The following SORL1 variants were observed in gnomAD, a reference collection of about 807,000 sequenced individuals.
SORL1 encodes sortilin-related receptor.
Under a neutral mutation model 273.7 loss-of-function variants are expected in SORL1, and 127 were observed. That is an observed-to-expected ratio of 0.46 (90% confidence interval 0.40 to 0.54). SORL1 has a LOEUF of 0.54. SORL1 is among the 20% of genes least tolerant of loss of function. The pLI, the probability that SORL1 is intolerant of heterozygous loss-of-function variation, is 0.00. For missense variants in SORL1, 2,494 were observed against 2,846.1 expected, an observed-to-expected ratio of 0.88 and a Z score of 2.81; for synonymous variants, 1,031 against 1,067.4, an observed-to-expected ratio of 0.97 and a Z score of 0.66.
intron 3 of SORL1, 29 bp downstream of exon 3, chr11:121,478,272 G>T: frequency 1.2e-6 from 2 of 1,604,316 alleles, no homozygotes; most frequent in Non-Finnish European, 1.7e-6. Context: ...CTCCTGTCCC[G>T]ACTTCATGGG....
At chr11:121,549,540 T>A (rs949597285) in intron 14 of SORL1, among the ~76,000 whole-genome samples, 1 of 152,202 alleles carries the variant, frequency 6.6e-6, no homozygotes, top group Non-Finnish European at 1.5e-5. Context: ...AATAATTTTT[T>A]AAAAAGGTTA....
At position 121,614,774 on chromosome 11, in the gene SORL1, G is replaced by C. The variant is rs190111395; in HGVS notation, c.5420-97G>C. 177 of 938,122 alleles carry C rather than the reference G, an allele frequency of 1.9e-4. 1 individual carries two copies. In the East Asian group the frequency reaches 3.0e-3, roughly 16 times the overall value. 58.1% of individuals were successfully genotyped at this position (938,122 alleles called of 1,614,324 possible). A position where few individuals can be genotyped will look rare whatever the true frequency, so the allele number is the denominator to read the frequency against. ...CACATGGGACTCATTTAAGTCAAGA[G>C]ATTACTATTTTTTTTTAAAAAAGTG... On this transcript the variant is annotated intron_variant, in intron 40 of 47. Coordinates refer to ENST00000260197, the MANE Select transcript of SORL1 (RefSeq NM_003105.6).
intron 2 of SORL1, among the ~76,000 whole-genome samples, chr11:121,470,362 T>C (rs1861149376): frequency 6.6e-6 from 1 of 152,212 alleles, no homozygotes; most frequent in Non-Finnish European, 1.5e-5. Context: ...AGTAATAGCA[T>C]ATGGACTGGA....
chr11:121,490,018 G>A, intron 4 of SORL1, 25 bp from the exon 5 acceptor site: 1 of 1,591,530 alleles, frequency 6.3e-7, no homozygotes, highest in Non-Finnish European at 8.6e-7. Context: ...CATGCCTCTT[G>A]CATCATGACC....
At chr11:121,505,940 T>A (rs1861780041) in intron 6 of SORL1, among the ~76,000 whole-genome samples, 1 of 152,222 alleles carries the variant, frequency 6.6e-6, no homozygotes, top group Non-Finnish European at 1.5e-5. Flanking sequence ...TTGGGTATTA[T>A]GTTCTATAAG....
At chr11:121,588,293 C>T (rs1243624409) in intron 28 of SORL1, 142 bp downstream of exon 28, 2 of 818,334 alleles carry the variant, frequency 2.4e-6, no homozygotes, top group Non-Finnish European at 3.9e-6. Flanking sequence ...TGGAGTTGCA[C>T]CTCTATTTAG....
intron 21 of SORL1, among the ~76,000 whole-genome samples, chr11:121,561,368 C>A (rs1862670879): frequency 6.6e-6 from 1 of 152,200 alleles, no homozygotes; most frequent in Non-Finnish European, 1.5e-5. Flanking sequence ...GGTCTCAGCA[C>A]ATGCAAACGT....
chr11:121,553,438 C>G (rs1862534087), intron 16 of SORL1, among the ~76,000 whole-genome samples: 1 of 152,134 alleles, frequency 6.6e-6, no homozygotes, highest in South Asian at 2.1e-4. Context: ...CTAAGAGGTT[C>G]ATAGAATTGC....
intron 26 of SORL1, 98 bp from the exon 27 acceptor site, chr11:121,586,124 C>T: frequency 1.1e-6 from 1 of 910,896 alleles, no homozygotes; most frequent in Non-Finnish European, 1.8e-6. Context: ...ATTGCCCTCC[C>T]CAGTGGTGGT....
chr11:121,590,274 G>T, intron 30 of SORL1, 100 bp downstream of exon 30: 1 of 1,294,556 alleles, frequency 7.7e-7, no homozygotes. Context: ...CGTGTTTTGG[G>T]GGGCATATTT....
chr11:121,545,339 G>A lies in SORL1; in HGVS notation c.1961G>A (p.Arg654Gln), dbSNP rs563618321. 8 of 1,614,160 alleles carry A rather than the reference G, an allele frequency of 5.0e-6. No individual in the cohort carries two copies. The highest frequency in any genetic ancestry group is 2.2e-5 in the South Asian group (2 of 91,080). Residue 654 changes from arginine to glutamine, a missense_variant, in exon 14 of 48, where the codon CGG becomes CAG. Around this residue, in one of 3 missense-constraint regions of SORL1, gnomAD observed 710 missense variants for 882.5 expected, o/e 0.80. Transcript: ENST00000260197. ...GGACACAAGACTGTTTTCAAACGGC[G>A]GACCCCCCATGCCACATGCTTCAAT... ...LLGHKTVFKR[R>Q]TPHATCFNGE...
intron 25 of SORL1, among the ~76,000 whole-genome samples, chr11:121,579,298 A>T (rs528149552): frequency 1.3e-5 from 2 of 152,152 alleles, no homozygotes; most frequent in Non-Finnish European, 2.9e-5. Flanking sequence ...AAATAGTTGG[A>T]GGTCAGATGT....
intron 1 of SORL1, among the ~76,000 whole-genome samples, chr11:121,468,402 T>C (rs1056950821): frequency 6.6e-6 from 1 of 152,184 alleles, no homozygotes; most frequent in African/African-American, 2.4e-5. Flanking sequence ...ATTGTCCTGC[T>C]TCTGAGTGTT....
chr11:121,583,341 C>G, intron 25 of SORL1, 117 bp from the exon 26 acceptor site: 1 of 1,220,442 alleles, frequency 8.2e-7, no homozygotes, highest in Non-Finnish European at 1.1e-6. Context: ...CCAGATGCTC[C>G]CACAGTTCAG....
rs769566026 is a variant in SORL1 at position 121,574,317 on chromosome 11, T to C, written c.3414T>C (p.Cys1138=). ...SGTCIPLSYK[C]DLEDDCGDNS... ...CTTGTATCCCACTGTCCTATAAATGTGACCTTGAGGATGACTGTGGAGACA... is the reference window on the plus strand; with the variant it reads ...CTTGTATCCCACTGTCCTATAAATGCGACCTTGAGGATGACTGTGGAGACA... Residue 1138 remains cysteine, a synonymous_variant, in exon 24 of 48, where the codon TGT becomes TGC. Coordinates refer to ENST00000260197, the MANE Select transcript of SORL1 (RefSeq NM_003105.6). The C allele has an allele frequency of 6.2e-7, 1 of 1,613,762 alleles. No individual in the cohort carries two copies. The highest frequency in any genetic ancestry group is 8.5e-7 in the Non-Finnish European group (1 of 1,179,638).
Position 121,543,454 on chromosome 11 carries a change from C to T in SORL1, c.1686-94C>T, listed in dbSNP as rs367972444. ...CAGGATCAGCCATTTCTCCAAGGAG[C>T]CCTGGTTCCTGTTCCTGGTGAATGT... is the stretch of plus-strand genomic sequence containing the variant. On this transcript the variant is annotated intron_variant, in intron 12 of 47. Transcript: ENST00000260197. 13 of 986,128 alleles carry T rather than the reference C, an allele frequency of 1.3e-5. No homozygotes were observed. In the African/African-American group the frequency reaches 1.6e-4, roughly 12 times the overall value. 61.1% of individuals were successfully genotyped at this position (986,128 alleles called of 1,614,324 possible). A position where few individuals can be genotyped will look rare whatever the true frequency, so the allele number is the denominator to read the frequency against.
intron 32 of SORL1, among the ~76,000 whole-genome samples, chr11:121,597,980 G>A (rs114334487): frequency 3.4e-3 from 517 of 152,254 alleles, no homozygotes; most frequent in Non-Finnish European, 5.9e-3. Context: ...ACAAGGGACA[G>A]CATGTATATT....
intron 2 of SORL1, among the ~76,000 whole-genome samples, chr11:121,477,079 A>G (rs1327894145): frequency 4.6e-5 from 7 of 152,110 alleles, no homozygotes; most frequent in African/African-American, 1.7e-4. Context: ...GGCGTGAGCC[A>G]CTGCTCCTGG....
rs528291617 is a variant in SORL1, at chr11:121,629,761, T to C, written c.*198T>C. On this transcript the variant is annotated 3_prime_UTR_variant, in exon 48 of 48. Coordinates refer to ENST00000260197, the MANE Select transcript of SORL1 (RefSeq NM_003105.6). ...AATCAACTGTGAACTTCAAACCAGG[T>C]TGATTTTAGTAACCCAATTGCTTTG... 9.4e-5 allele frequency: 53 copies of C among 565,692 alleles called. No homozygotes were observed. Among genetic ancestry groups the C allele is most frequent in the Non-Finnish European group, 1.5e-4 (49 of 320,746 alleles). The allele number at this position is 565,692 out of a possible 1,614,324, so 35.0% of individuals were successfully genotyped here.
Sources: allele counts gnomAD v4.1 joint callset (sites outside exome capture counted in the v4.1 genomes callset), GRCh38; gene constraint gnomAD v4.1.1; regional missense constraint gnomAD v4.1.1; transcripts MANE v1.5; gene names NCBI Gene and HGNC (gene_info 2026-07-23, HGNC 2026-07-21).